The following AGMO variants were observed in gnomAD, a reference collection of about 807,000 sequenced individuals.
AGMO encodes the protein alkylglycerol monooxygenase.
Under a neutral mutation model 60.2 loss-of-function variants are expected in AGMO, and 75 were observed. The observed-to-expected ratio is 1.25, with a 90% CI of 1.03 to 1.51. AGMO has a LOEUF of 1.51. Ranked by LOEUF, AGMO falls within the 40% of genes most tolerant of loss-of-function variation. The pLI is 0.00. For missense variants in AGMO, 763 were observed against 525.5 expected, an observed-to-expected ratio of 1.45 and a Z score of -4.42; for synonymous variants, 261 against 177.1, an observed-to-expected ratio of 1.47 and a Z score of -3.76.
At chr7:15,556,775 A>T (rs1223024925) in intron 2 of AGMO, among the ~76,000 whole-genome samples, 1 of 152,096 alleles carries the variant, frequency 6.6e-6, no homozygotes, top group Non-Finnish European at 1.5e-5. Context: ...TTACAGTCAC[A>T]TATGCAACTA....
intron 12 of AGMO, among the ~76,000 whole-genome samples, chr7:15,317,866 C>CGTATATATATAT: frequency 1.3e-5 from 2 of 149,686 alleles, no homozygotes; most frequent in African/African-American, 4.9e-5. Flanking sequence ...CACACACACA[C>CGTATATATATAT]ACGTATATAT....
At chr7:15,140,389 C>T in the AGMO span, among the ~76,000 whole-genome samples, 1 of 152,032 alleles carries the variant, frequency 6.6e-6, no homozygotes. Flanking sequence ...CTGTGTTTCA[C>T]TACAATGCTA....
intron 5 of AGMO, among the ~76,000 whole-genome samples, chr7:15,416,151 G>A (rs550264972): frequency 1.3e-5 from 2 of 150,200 alleles, no homozygotes; most frequent in East Asian, 2.0e-4. Context: ...ATTCTGCCAC[G>A]GCCTCCAAAG....
chr7:15,278,521 G>T (rs376272941), intron 12 of AGMO, among the ~76,000 whole-genome samples: 5 of 152,012 alleles, frequency 3.3e-5, no homozygotes, highest in Non-Finnish European at 7.4e-5. Flanking sequence ...CTGGCCTCTA[G>T]GCCACAAGCA....
intron 10 of AGMO, among the ~76,000 whole-genome samples, chr7:15,376,799 G>A (rs1783473404): frequency 6.6e-6 from 1 of 151,964 alleles, no homozygotes; most frequent in Admixed American, 6.6e-5. Flanking sequence ...GATTTTTCAA[G>A]GATTACTAAA....
intron 3 of AGMO, among the ~76,000 whole-genome samples, chr7:15,500,594 G>GA (rs1783357748): frequency 6.6e-6 from 1 of 151,592 alleles, no homozygotes; most frequent in Non-Finnish European, 1.5e-5. Context: ...AATTTCCCAG[G>GA]AAAAATATTT....
At chr7:15,361,023 T>C (rs1215077730) in intron 12 of AGMO, among the ~76,000 whole-genome samples, 4 of 152,188 alleles carry the variant, frequency 2.6e-5, no homozygotes, top group African/African-American at 4.8e-5. Context: ...AGCTAGAATA[T>C]TGGCATTTTT....
the AGMO span, among the ~76,000 whole-genome samples, chr7:15,126,761 G>GA: frequency 2.4e-4 from 36 of 152,064 alleles, 1 homozygote; most frequent in Admixed American, 2.4e-3. Context: ...TCCCTTGTGG[G>GA]AAAAATCCAC....
intron 3 of AGMO, among the ~76,000 whole-genome samples, chr7:15,510,545 T>A (rs888068981): frequency 2.2e-3 from 128 of 57,108 alleles, no homozygotes; most frequent in Non-Finnish European, 3.9e-3. Flanking sequence ...TATCTATATA[T>A]ATCATATATA....
the AGMO span, among the ~76,000 whole-genome samples, chr7:15,186,917 A>C: frequency 6.6e-6 from 1 of 152,168 alleles, no homozygotes; most frequent in Non-Finnish European, 1.5e-5. Flanking sequence ...GAAAAGGAAA[A>C]ATTGGAGAGA....
downstream of AGMO, among the ~76,000 whole-genome samples, chr7:15,198,067 C>T (rs954552979): frequency 1.3e-5 from 2 of 152,086 alleles, no homozygotes; most frequent in Non-Finnish European, 2.9e-5. Flanking sequence ...TAAACAAATG[C>T]TCCTTTCCTC....
At chr7:15,194,416 G>T in the AGMO span, among the ~76,000 whole-genome samples, 2 of 151,922 alleles carry the variant, frequency 1.3e-5, no homozygotes, top group Non-Finnish European at 2.9e-5. Context: ...TAACTTAAAA[G>T]TCTTTTAATC....
intron 3 of AGMO, among the ~76,000 whole-genome samples, chr7:15,493,365 CTTTTT>C (rs71004387): frequency 6.0e-5 from 4 of 66,654 alleles, no homozygotes; most frequent in East Asian, 4.5e-4. Flanking sequence ...ACACACACTT[CTTTTT>C]TTTTTTTTTT....
At chr7:15,390,281 C>T (rs187895311) in intron 8 of AGMO, among the ~76,000 whole-genome samples, 13 of 152,222 alleles carry the variant, frequency 8.5e-5, no homozygotes, top group Non-Finnish European at 1.8e-4. Context: ...AAAGGCCTCA[C>T]GATGAATTTC....
chr7:15,399,154 T>C (rs1784484293), intron 5 of AGMO, among the ~76,000 whole-genome samples: 1 of 152,178 alleles, frequency 6.6e-6, no homozygotes, highest in African/African-American at 2.4e-5. Flanking sequence ...TTGTATTCTG[T>C]AAGTTGTTTT....
At chr7:15,461,539 T>C (rs1359112108) in intron 3 of AGMO, among the ~76,000 whole-genome samples, 1 of 152,150 alleles carries the variant, frequency 6.6e-6, no homozygotes, top group Non-Finnish European at 1.5e-5. Context: ...ACTTATTTTA[T>C]TTGAGCTCTC....
At position 15,248,679 on chromosome 7, in the gene AGMO, C is replaced by G. The variant is rs565831072; in HGVS notation, c.1264-47320G>C. 2.0e-5 allele frequency among the ~76,000 whole-genome samples: 3 copies of G among 152,184 alleles called. No individual in the cohort carries two copies. The South Asian group carries it at 6.2e-4, about 32-fold the overall frequency. Reference sequence around the variant, plus strand: ...GGTGACACACAAGACACATATTGTCCCATGGCTATTTTTGGGCTAGAACAT... The same window carrying G: ...GGTGACACACAAGACACATATTGTCGCATGGCTATTTTTGGGCTAGAACAT... On this transcript the variant is annotated intron_variant, in intron 12 of 12. Transcript: ENST00000342526.
intron 12 of AGMO, among the ~76,000 whole-genome samples, chr7:15,275,961 T>A (rs1293983640): frequency 6.6e-6 from 1 of 152,164 alleles, no homozygotes; most frequent in Non-Finnish European, 1.5e-5. Flanking sequence ...AGCAAACGGT[T>A]GGGTCTTGTT....
chr7:15,526,244 C>T (rs556130220), intron 3 of AGMO, among the ~76,000 whole-genome samples: 1 of 152,328 alleles, frequency 6.6e-6, no homozygotes, highest in Non-Finnish European at 1.5e-5. Context: ...AAAAATCCTG[C>T]ATCATTTTGA....
Sources: allele counts gnomAD v4.1 joint callset (sites outside exome capture counted in the v4.1 genomes callset), GRCh38; gene constraint gnomAD v4.1.1; transcripts MANE v1.5; gene names NCBI Gene and HGNC (gene_info 2026-07-23, HGNC 2026-07-21).